The following SIN3B variants were observed in gnomAD, a reference collection of about 807,000 sequenced individuals.
SIN3B encodes SIN3 transcription regulator family member B.
SIN3B carries 19 observed loss-of-function variants against 120.2 expected under a neutral mutation model. That is an observed-to-expected ratio of 0.16 (90% CI 0.11 to 0.23). The LOEUF is 0.23. Ranked by LOEUF, SIN3B falls within the 10% of genes least tolerant of loss-of-function variation. The pLI, the probability that SIN3B is intolerant of heterozygous loss-of-function variation, is 1.00. For missense variants in SIN3B, 1,073 were observed against 1,573.0 expected, an observed-to-expected ratio of 0.68 and a Z score of 5.38; for synonymous variants, 654 against 653.2, an observed-to-expected ratio of 1.00 and a Z score of -0.02.
At chr19:16,872,125 C>T (rs2051519472) in intron 14 of SIN3B, among the ~76,000 whole-genome samples, 1 of 152,006 alleles carries the variant, frequency 6.6e-6, no homozygotes, top group African/African-American at 2.4e-5. Context: ...CTGGTTTCTG[C>T]CAGAATCATT....
rs531674262 is a variant in SIN3B, at chr19:16,875,293, G to T, written c.2593-762G>T. 2.8e-5 allele frequency among the ~76,000 whole-genome samples: 4 copies of T among 141,840 alleles called. No individual in the cohort carries two copies. The East Asian group carries it at 8.7e-4, about 31-fold the overall frequency. The allele number at this position is 141,840 out of a possible 152,430, so 93.1% of individuals were successfully genotyped here. A position where few individuals can be genotyped will look rare whatever the true frequency, so the allele number is the denominator to read the frequency against. ...GTCTGGTTTGGGTCTGGTCTGGTCT[G>T]GTTTTGGTCTGGTTTGGGTCTGGTC... On this transcript the variant is annotated intron_variant, in intron 14 of 18. Transcript: ENST00000248054.
chr19:16,833,140 A>G (rs775658367), intron 3 of SIN3B, among the ~76,000 whole-genome samples: 19 of 152,158 alleles, frequency 1.2e-4, no homozygotes, highest in Admixed American at 1.1e-3. Flanking sequence ...AACCTCCTCC[A>G]GTCCTTGCCT....
chr19:16,851,646 G>A (rs948300854), intron 6 of SIN3B, 112 bp downstream of exon 6: 15 of 1,359,590 alleles, frequency 1.1e-5, no homozygotes, highest in South Asian at 1.6e-5. Flanking sequence ...GGGCTGGACC[G>A]GGGGCTGTGT....
At chr19:16,833,105 C>CCCA (rs1224766927) in intron 3 of SIN3B, among the ~76,000 whole-genome samples, 1 of 152,112 alleles carries the variant, frequency 6.6e-6, no homozygotes, top group Non-Finnish European at 1.5e-5. Flanking sequence ...TTGAGAACCA[C>CCCA]CGGTGTAAGT....
rs548763506 is a variant in SIN3B at position 16,836,595 on chromosome 19, G to A, written c.381+4948G>A. Among the ~76,000 whole-genome samples the A allele has an allele frequency of 3.9e-5, 6 of 152,304 alleles. No homozygotes were observed. In the East Asian group the frequency reaches 1.2e-3, roughly 29 times the overall value. ...TGACGGTGAGTCCTTAAGATGAGGT[G>A]GGCCCTGCACTGTCTTGTTCATGAC... On this transcript the variant is annotated intron_variant, in intron 3 of 18. Coordinates refer to ENST00000248054, the MANE Select transcript of SIN3B (RefSeq NM_001297595.2).
chr19:16,866,703 T>G (rs1179400867), intron 12 of SIN3B, 147 bp downstream of exon 12: 6 of 730,954 alleles, frequency 8.2e-6, no homozygotes, highest in Non-Finnish European at 1.3e-5. Context: ...TTCATGTCTC[T>G]GTGATGCCCA....
intron 3 of SIN3B, among the ~76,000 whole-genome samples, chr19:16,834,641 C>G (rs1346245100): frequency 2.0e-5 from 3 of 152,170 alleles, no homozygotes; most frequent in Non-Finnish European, 4.4e-5. Context: ...GAAGTTTGTT[C>G]TCTTCGGGGG....
intron 14 of SIN3B, 72 bp downstream of exon 14, chr19:16,871,470 C>T (rs896767930): frequency 4.3e-5 from 61 of 1,430,248 alleles, no homozygotes; most frequent in Middle Eastern, 2.5e-4. Flanking sequence ...ACTCCCCGCT[C>T]GGGAGGGGGC....
chr19:16,878,563 G>T lies in SIN3B; in HGVS notation c.3229G>T (p.Asp1077Tyr), dbSNP rs753195155. The T allele has an allele frequency of 1.9e-6, 3 of 1,608,710 alleles. No individual in the cohort carries two copies. The African/African-American group carries it at 4.0e-5, about 21-fold the overall frequency. The change falls in exon 19 of 19, where the codon GAC becomes TAC. Residue 1077 changes from aspartate to tyrosine, a missense_variant. Asp to Tyr is a radical substitution (Grantham distance 160). Coordinates refer to ENST00000248054, the MANE Select transcript of SIN3B (RefSeq NM_001297595.2). ...FEEWHSRWLE[D>Y]NVTVEAASLV... Reference sequence around the variant, plus strand: ...GGAGTGGCACAGCCGCTGGCTGGAGGACAATGTGACGGTGGAGGCGGCTAG... The same window carrying T: ...GGAGTGGCACAGCCGCTGGCTGGAGTACAATGTGACGGTGGAGGCGGCTAG...
Position 16,859,816 on chromosome 19 carries a change from A to G in SIN3B, c.1059-2536A>G, listed in dbSNP as rs954536805. On this transcript the variant is annotated intron_variant, in intron 8 of 18. Coordinates refer to ENST00000248054, the MANE Select transcript of SIN3B (RefSeq NM_001297595.2). ...TCTCTGAGCCTGGGTCCCACCTGGG[A>G]AAAGGGGCCCCCAGGGGCTGTGTGT... is the stretch of plus-strand genomic sequence containing the variant. Among the ~76,000 whole-genome samples, 3 of 152,078 alleles carry G rather than the reference A, an allele frequency of 2.0e-5. No individual in the cohort carries two copies. In the East Asian group the frequency reaches 5.8e-4, roughly 29 times the overall value.
rs1393586719 is a variant in SIN3B, at chr19:16,847,026, G to A, written c.639G>A (p.Val213=). Reference sequence around the variant, plus strand: ...TCCGAGGCATGTCTGAAGAGGAGGTGTTCACCGAGGTGGCCAACCTCTTCC... The same window carrying A: ...TCCGAGGCATGTCTGAAGAGGAGGTATTCACCGAGGTGGCCAACCTCTTCC... ...RPFRGMSEEE[V]FTEVANLFRG... The change falls in exon 5 of 19, where the codon GTG becomes GTA. Residue 213 remains valine (V), a synonymous_variant. Coordinates refer to ENST00000248054, the MANE Select transcript of SIN3B (RefSeq NM_001297595.2). The A allele has an allele frequency of 1.2e-6, 2 of 1,614,068 alleles. No individual in the cohort carries two copies. The highest frequency in any genetic ancestry group is 1.7e-6 in the Non-Finnish European group (2 of 1,180,014).
chr19:16,869,375 A>T (rs925284174), intron 12 of SIN3B, 85 bp from the exon 13 acceptor site: 2 of 1,471,890 alleles, frequency 1.4e-6, no homozygotes, highest in Non-Finnish European at 1.8e-6. Context: ...TTGGTGGCCC[A>T]GTTAACAGCG....
chr19:16,877,220 A>G (rs1415549607), intron 16 of SIN3B: 1 of 361,826 alleles, frequency 2.8e-6, no homozygotes, highest in Non-Finnish European at 5.1e-6. Flanking sequence ...GGAGGTCAGC[A>G]GTCCACAACC....
chr19:16,836,837 C>A (rs144570532), intron 3 of SIN3B, among the ~76,000 whole-genome samples: 1,854 of 152,360 alleles, frequency 0.012, 12 homozygotes, highest in Middle Eastern at 0.027. Context: ...AGGGAGCCCC[C>A]TGGCTGTTCT....
intron 17 of SIN3B, 106 bp from the exon 18 acceptor site, chr19:16,878,077 G>A (rs1185070350): frequency 1.3e-5 from 12 of 920,558 alleles, no homozygotes; most frequent in Non-Finnish European, 1.6e-5. Context: ...ACCCCTGGGA[G>A]GTAGCACATC....
chr19:16,875,647 GT>G (rs1171106558), intron 14 of SIN3B, among the ~76,000 whole-genome samples: 2 of 142,818 alleles, frequency 1.4e-5, no homozygotes, highest in East Asian at 4.1e-4. Context: ...GGTCTGTTTG[GT>G]CTGGTCTGGT....
intron 14 of SIN3B, among the ~76,000 whole-genome samples, chr19:16,874,575 G>A (rs1397812382): frequency 2.6e-5 from 4 of 151,720 alleles, no homozygotes; most frequent in Non-Finnish European, 4.4e-5. Context: ...GGTCTGATTT[G>A]GTCTGGTCTG....
chr19:16,847,467 G>A (rs553510953), intron 5 of SIN3B, among the ~76,000 whole-genome samples: 1 of 152,376 alleles, frequency 6.6e-6, no homozygotes, highest in Non-Finnish European at 1.5e-5. Flanking sequence ...GTGGGAAGGT[G>A]CAGGAGGGCT....
intron 14 of SIN3B, among the ~76,000 whole-genome samples, chr19:16,873,529 C>T (rs546939975): frequency 6.0e-5 from 9 of 150,722 alleles, no homozygotes; most frequent in Middle Eastern, 3.2e-3. Context: ...CCCTCCCCCC[C>T]CCCCCAGGCT....
Sources: allele counts gnomAD v4.1 joint callset (sites outside exome capture counted in the v4.1 genomes callset), GRCh38; gene constraint gnomAD v4.1.1; transcripts MANE v1.5; gene names NCBI Gene and HGNC (gene_info 2026-07-23, HGNC 2026-07-21).